MYCT1: variants seen among roughly 807,000 people sequenced by gnomAD.
MYCT1 encodes MYC target 1.
A neutral mutation model predicts 15.0 loss-of-function variants in MYCT1; 12 were observed. The ratio of observed to expected loss-of-function variants is 0.80; its 90% confidence interval spans 0.51 to 1.29. The LOEUF is 1.29. MYCT1 is among the 50% of genes most tolerant of loss of function. The pLI is 0.00. For synonymous variants in MYCT1, 104 were observed against 102.7 expected (o/e 1.01, Z -0.07); for missense variants, 287 against 279.1 (o/e 1.03, Z -0.20).
rs917802457 is a variant in MYCT1, at chr6:152,722,543, A to G, written c.*290A>G. The G allele has an allele frequency of 9.7e-6, 3 of 308,196 alleles. No individual in the cohort carries two copies. Among genetic ancestry groups the G allele is most frequent in the Non-Finnish European group, 1.8e-5 (3 of 166,334 alleles). The allele number at this position is 308,196 out of a possible 1,614,324, so 19.1% of individuals were successfully genotyped here. A position where few individuals can be genotyped will look rare whatever the true frequency, so the allele number is the denominator to read the frequency against. ...GTGATTCTAATGTAAGAATCAGCTAAGATGCATTATATATATTTTAATTAA... is the reference window on the plus strand; with the variant it reads ...GTGATTCTAATGTAAGAATCAGCTAGGATGCATTATATATATTTTAATTAA... On this transcript the variant is annotated 3_prime_UTR_variant, in exon 2 of 2. Coordinates refer to ENST00000367245, the MANE Select transcript of MYCT1 (RefSeq NM_025107.3).
At chr6:152,744,901 T>C in the MYCT1 span, among the ~76,000 whole-genome samples, 2 of 152,128 alleles carry the variant, frequency 1.3e-5, no homozygotes, top group Admixed American at 1.3e-4. Context: ...TCAGGGCTCC[T>C]GGGAGGTCCT....
chr6:152,702,358 A>G (rs775040517), intron 1 of MYCT1, among the ~76,000 whole-genome samples: 1 of 152,208 alleles, frequency 6.6e-6, no homozygotes, highest in Non-Finnish European at 1.5e-5. Context: ...CTATTGCAGT[A>G]AAAATGTTGG....
chr6:152,717,582 G>T (rs1364333407), intron 1 of MYCT1, among the ~76,000 whole-genome samples: 1 of 152,080 alleles, frequency 6.6e-6, no homozygotes, highest in African/African-American at 2.4e-5. Context: ...TCCTGCACAA[G>T]CTCTCTTCGT....
intron 1 of MYCT1, among the ~76,000 whole-genome samples, chr6:152,703,529 AC>A (rs1182638601): frequency 7.2e-5 from 11 of 152,214 alleles, no homozygotes; most frequent in African/African-American, 2.7e-4. Flanking sequence ...TTCAAAGTAA[AC>A]TAAAGGCATC....
At chr6:152,731,923 A>G in the MYCT1 span, among the ~76,000 whole-genome samples, 1 of 151,982 alleles carries the variant, frequency 6.6e-6, no homozygotes, top group Non-Finnish European at 1.5e-5. Context: ...CAATTTTTAT[A>G]TTTTTTATAG....
rs748405604 is a variant in MYCT1, at chr6:152,722,744, T to C, written c.*491T>C. On this transcript the variant is annotated 3_prime_UTR_variant, in exon 2 of 2. Transcript: ENST00000367245. Reference sequence around the variant, plus strand: ...CATTTTACAATCTTAGATTTTTCTTTTTTTTTCTTTTGAGACAGGGTCTTG... The same window carrying C: ...CATTTTACAATCTTAGATTTTTCTTCTTTTTTCTTTTGAGACAGGGTCTTG... 4.8e-6 allele frequency: 2 copies of C among 412,702 alleles called. No individual in the cohort carries two copies. The highest frequency in any genetic ancestry group is 3.5e-5 in the South Asian group (2 of 56,854). 25.6% of individuals were successfully genotyped at this position (412,702 alleles called of 1,614,324 possible).
chr6:152,735,487 A>G, the MYCT1 span, among the ~76,000 whole-genome samples: 1 of 152,146 alleles, frequency 6.6e-6, no homozygotes, highest in African/African-American at 2.4e-5. Context: ...CCATATGATG[A>G]ATTCTGTCAC....
chr6:152,739,815 T>C, the MYCT1 span, among the ~76,000 whole-genome samples: 6 of 152,116 alleles, frequency 3.9e-5, no homozygotes, highest in African/African-American at 1.4e-4. Flanking sequence ...TTCTATGTTT[T>C]AAAAAATACT....
chr6:152,722,175 T>G lies in MYCT1; in HGVS notation c.630T>G (p.Ser210Arg). The change falls in exon 2 of 2, where the codon AGT becomes AGG. Residue 210 changes from serine to arginine, a missense_variant. Coordinates refer to ENST00000367245, the MANE Select transcript of MYCT1 (RefSeq NM_025107.3). ...HSLSRPDYWSSNSLRVGLSTP... is the reference protein window; with the variant it reads ...HSLSRPDYWSRNSLRVGLSTP... ...TGAGCCGTCCTGACTACTGGTCCAG[T>G]AACAGTCTTCGAGTGGGCCTTTCAA... is the stretch of plus-strand genomic sequence containing the variant. 1 of 1,614,164 alleles carries G rather than the reference T, an allele frequency of 6.2e-7. No individual in the cohort carries two copies. The highest frequency in any genetic ancestry group is 8.5e-7 in the Non-Finnish European group (1 of 1,180,020).
In MYCT1 at chr6:152,721,757, C is replaced by A. The variant is rs1291661188; in HGVS notation, c.212C>A (p.Ser71Tyr). The A allele has an allele frequency of 6.2e-7, 1 of 1,613,498 alleles. No individual in the cohort carries two copies. Among genetic ancestry groups the A allele is most frequent in the Admixed American group, 1.7e-5 (1 of 59,946 alleles). ...PENFWEDLIM[S>Y]FTVSMAIGLV... is the part of the protein sequence containing the mutation. ...TTTGTTTCAGAGGACCTTATCATGT[C>A]CTTCACTGTATCCATGGCAATCGGG... is the stretch of plus-strand genomic sequence containing the variant. Residue 71 changes from serine (S) to tyrosine (Y), a missense_variant, in exon 2 of 2, where the codon TCC (serine) becomes TAC (tyrosine). Coordinates refer to ENST00000367245, the MANE Select transcript of MYCT1 (RefSeq NM_025107.3).
chr6:152,701,431 G>A (rs1364206796), intron 1 of MYCT1, among the ~76,000 whole-genome samples: 2 of 152,214 alleles, frequency 1.3e-5, no homozygotes, highest in African/African-American at 4.8e-5. Context: ...TGTAAGGCAG[G>A]TTGGAGGCAG....
the MYCT1 span, among the ~76,000 whole-genome samples, chr6:152,745,048 A>T: frequency 6.6e-6 from 1 of 152,104 alleles, no homozygotes; most frequent in African/African-American, 2.4e-5. Flanking sequence ...AGGGAGGGAG[A>T]CATGTGGCCT....
chr6:152,727,923 G>GT (rs1481992934), downstream of MYCT1, among the ~76,000 whole-genome samples: 6 of 152,150 alleles, frequency 3.9e-5, no homozygotes, highest in Admixed American at 3.9e-4. Flanking sequence ...CAGCACTTTG[G>GT]TAGACGGAGA....
chr6:152,736,869 T>C, the MYCT1 span, among the ~76,000 whole-genome samples: 28 of 152,240 alleles, frequency 1.8e-4, no homozygotes, highest in South Asian at 5.6e-3. Flanking sequence ...GACATGCTGA[T>C]TTAGTGCTAA....
At chr6:152,707,976 A>C (rs545941282) in intron 1 of MYCT1, among the ~76,000 whole-genome samples, 19 of 151,976 alleles carry the variant, frequency 1.3e-4, no homozygotes, top group Non-Finnish European at 2.1e-4. Context: ...TATTGTCATC[A>C]TATACAACTT....
At chr6:152,730,742 T>C in the MYCT1 span, among the ~76,000 whole-genome samples, 1 of 152,218 alleles carries the variant, frequency 6.6e-6, no homozygotes, top group Non-Finnish European at 1.5e-5. Flanking sequence ...TCACCTTTTA[T>C]AAAATTTTCA....
At chr6:152,721,652 T>C (rs1474307312) in intron 1 of MYCT1, 90 bp from the exon 2 acceptor site, 3 of 1,181,488 alleles carry the variant, frequency 2.5e-6, no homozygotes, top group Non-Finnish European at 2.4e-6. Context: ...TAATCATGTA[T>C]TCTTTGAATT....
Position 152,722,822 on chromosome 6 carries a change from T to A in MYCT1, c.*569T>A. Reference sequence around the variant, plus strand: ...AGCATGATCAGGACTCACTGCAGCCTCTATCTCCCAGGCTCAAGTAATCCT... The same window carrying A: ...AGCATGATCAGGACTCACTGCAGCCACTATCTCCCAGGCTCAAGTAATCCT... On this transcript the variant is annotated 3_prime_UTR_variant, in exon 2 of 2. Coordinates refer to ENST00000367245, the MANE Select transcript of MYCT1 (RefSeq NM_025107.3). The A allele has an allele frequency of 2.9e-6, 1 of 343,988 alleles. No individual in the cohort carries two copies. The highest frequency in any genetic ancestry group is 5.8e-6 in the Non-Finnish European group (1 of 173,294). 21.3% of individuals were successfully genotyped at this position (343,988 alleles called of 1,614,324 possible). A position where few individuals can be genotyped will look rare whatever the true frequency, so the allele number is the denominator to read the frequency against.
intron 1 of MYCT1, among the ~76,000 whole-genome samples, chr6:152,703,621 T>C (rs937562769): frequency 1.3e-5 from 2 of 152,142 alleles, no homozygotes; most frequent in Non-Finnish European, 1.5e-5. Flanking sequence ...CCCTTTAAAG[T>C]CAAGTTTACA....
Sources: gnomAD v4.1 joint callset for allele counts (sites outside exome capture counted in the v4.1 genomes callset) on GRCh38, gnomAD v4.1.1 for gene constraint, MANE v1.5 for transcripts, NCBI Gene and HGNC (gene_info 2026-07-23, HGNC 2026-07-21) for gene names.